Variants in MAD1L1 observed in about 807,000 individuals in gnomAD.
MAD1L1 encodes the protein mitotic spindle assembly checkpoint protein MAD1.
In MAD1L1, 95 loss-of-function variants were observed where a neutral mutation model predicts 96.9. That is an observed-to-expected ratio of 0.98 (90% CI 0.83 to 1.16). The LOEUF (loss-of-function observed/expected upper bound fraction) is 1.16, where lower values mean the gene tolerates loss of function less well. Among genes scored for constraint, MAD1L1 ranks in the 50% most tolerant of loss-of-function variants. The pLI is 0.00. For missense variants in MAD1L1, 1,007 were observed against 954.4 expected (o/e 1.06, Z -0.73); for synonymous variants, 473 against 396.6 (o/e 1.19, Z -2.29).
intron 15 of MAD1L1, among the ~76,000 whole-genome samples, chr7:1,973,356 C>T (rs1780487114): frequency 6.6e-6 from 1 of 152,164 alleles, no homozygotes; most frequent in Non-Finnish European, 1.5e-5. Context: ...ACCGCACAGA[C>T]CTGGCGGACA....
chr7:1,900,292 C>T (rs117859612), intron 17 of MAD1L1, among the ~76,000 whole-genome samples: 1,783 of 152,342 alleles, frequency 0.012, 13 homozygotes, highest in Admixed American at 0.027. Context: ...GCAGGGACCA[C>T]GTTAGCAGCA....
At chr7:1,983,146 GCGCGCGCGCA>G (rs1201252104) in intron 14 of MAD1L1, among the ~76,000 whole-genome samples, 2,886 of 130,912 alleles carry the variant, frequency 0.022, 41 homozygotes, top group East Asian at 0.049. Flanking sequence ...GCGCGCGCGC[GCGCGCGCGCA>G]CACACACACA....
chr7:2,084,284 G>C (rs560959671), intron 11 of MAD1L1, among the ~76,000 whole-genome samples: 2 of 152,366 alleles, frequency 1.3e-5, no homozygotes, highest in African/African-American at 4.8e-5. Context: ...GGGACAGAAA[G>C]GGCCTGTCCA....
chr7:1,898,383 C>T lies in MAD1L1; in HGVS notation c.1815G>A (p.Lys605=). The T allele has an allele frequency of 6.2e-7, 1 of 1,613,862 alleles. No individual in the cohort carries two copies. The highest frequency in any genetic ancestry group is 8.5e-7 in the Non-Finnish European group (1 of 1,179,934). Residue 605 remains lysine (K), a synonymous_variant, in exon 18 of 19, where the codon AAG becomes AAA. Coordinates refer to ENST00000265854, the MANE Select transcript of MAD1L1 (RefSeq NM_001013836.2). The part of the protein sequence containing the change: ...LPSSKEVAEL[K]KQVESAELKN... ...TCAGCTCGGCACTCTCCACCTGCTT[C>T]TTCAGCTCTGCGGGAGGGACGGAAG...
intron 18 of MAD1L1, chr7:1,845,613 G>A (rs60641195): frequency 2.0e-5 from 2 of 99,234 alleles, no homozygotes; most frequent in South Asian, 8.6e-4. Flanking sequence ...ACATGCGTCC[G>A]GCTCTGGTTC....
At chr7:1,894,666 T>C (rs1786755186) in intron 18 of MAD1L1, among the ~76,000 whole-genome samples, 2 of 151,626 alleles carry the variant, frequency 1.3e-5, no homozygotes, top group South Asian at 2.1e-4. Context: ...ATCAACCAGA[T>C]GGGGCGCAGG....
chr7:1,914,052 T>C (rs1224131428), intron 17 of MAD1L1, among the ~76,000 whole-genome samples: 3 of 152,072 alleles, frequency 2.0e-5, no homozygotes, highest in Admixed American at 2.0e-4. Flanking sequence ...ACCTCTCCTC[T>C]CCTGCAAGCC....
chr7:2,036,503 C>G (rs190451006), intron 12 of MAD1L1, among the ~76,000 whole-genome samples: 69 of 152,316 alleles, frequency 4.5e-4, no homozygotes, highest in Non-Finnish European at 8.1e-4. Context: ...ACAATCCATC[C>G]GGTCGTGAGT....
At chr7:1,957,206 C>A (rs1779763390) in intron 16 of MAD1L1, among the ~76,000 whole-genome samples, 2 of 152,232 alleles carry the variant, frequency 1.3e-5, no homozygotes, top group Admixed American at 1.3e-4. Context: ...TAACAGGTGC[C>A]AAGATAAAAT....
intron 5 of MAD1L1, chr7:2,220,752 A>T: frequency 2.0e-6 from 2 of 1,022,400 alleles, no homozygotes; most frequent in Non-Finnish European, 2.7e-6. Flanking sequence ...CCACATGCCC[A>T]CAATATGTAC....
rs922801165 is a variant in MAD1L1, at chr7:1,876,290, G to A, written c.1998+21910C>T. Among the ~76,000 whole-genome samples the A allele has an allele frequency of 2.0e-5, 3 of 152,174 alleles. No homozygotes were observed. The East Asian group carries it at 5.8e-4, about 29-fold the overall frequency. ...CTTCTCTGGAGGCTAAGGGCCTCAC[G>A]TGGTCAACTGCAGCCCAAGGTCCCG... On this transcript the variant is annotated intron_variant, in intron 18 of 18. Coordinates refer to ENST00000265854, the MANE Select transcript of MAD1L1 (RefSeq NM_001013836.2).
intron 11 of MAD1L1, among the ~76,000 whole-genome samples, chr7:2,086,781 T>C (rs1785941025): frequency 6.6e-6 from 1 of 152,182 alleles, no homozygotes; most frequent in South Asian, 2.1e-4. Flanking sequence ...TCTCGAACTC[T>C]TGACCTCAGT....
chr7:1,920,244 G>T (rs988637439), intron 17 of MAD1L1, among the ~76,000 whole-genome samples: 1 of 151,148 alleles, frequency 6.6e-6, no homozygotes, highest in Non-Finnish European at 1.5e-5. Context: ...GTGTGCGTGC[G>T]TGCGTGCGTG....
At chr7:1,825,357 G>A (rs1170999634) in intron 18 of MAD1L1, among the ~76,000 whole-genome samples, 3 of 152,240 alleles carry the variant, frequency 2.0e-5, no homozygotes. Context: ...CTGGGCCTGG[G>A]GTGCCAGGCT....
At chr7:2,128,464 G>A (rs762204113) in intron 11 of MAD1L1, among the ~76,000 whole-genome samples, 5 of 152,130 alleles carry the variant, frequency 3.3e-5, no homozygotes, top group Non-Finnish European at 7.3e-5. Context: ...CACAGAACAC[G>A]AACAGGAAGG....
At chr7:2,100,186 A>C (rs376131309) in intron 11 of MAD1L1, among the ~76,000 whole-genome samples, 1 of 152,240 alleles carries the variant, frequency 6.6e-6, no homozygotes, top group African/African-American at 2.4e-5. Flanking sequence ...GTCAGCTGCA[A>C]GTACTTTCTG....
intron 18 of MAD1L1, among the ~76,000 whole-genome samples, chr7:1,820,482 G>A (rs1306424022): frequency 9.3e-6 from 1 of 107,108 alleles, no homozygotes; most frequent in Non-Finnish European, 2.3e-5. Flanking sequence ...ATAGCAATAA[G>A]GCCGGCCAGG....
intron 17 of MAD1L1, among the ~76,000 whole-genome samples, chr7:1,928,036 G>A (rs1009314536): frequency 1.2e-4 from 19 of 152,218 alleles, no homozygotes; most frequent in African/African-American, 3.4e-4. Context: ...GCTCGTGCCC[G>A]AGGCCTTGGC....
intron 16 of MAD1L1, among the ~76,000 whole-genome samples, chr7:1,945,314 C>A (rs1173316800): frequency 1.3e-5 from 2 of 152,238 alleles, no homozygotes; most frequent in Non-Finnish European, 2.9e-5. Context: ...GAGGACTATC[C>A]CGGCACAGGC....
Sources: gnomAD v4.1 joint callset for allele counts (sites outside exome capture counted in the v4.1 genomes callset) on GRCh38, gnomAD v4.1.1 for gene constraint, MANE v1.5 for transcripts, NCBI Gene and HGNC (gene_info 2026-07-23, HGNC 2026-07-21) for gene names.